IMMP1L: variants seen among roughly 807,000 people sequenced by gnomAD.
IMMP1L encodes the protein mitochondrial inner membrane protease subunit 1.
IMMP1L carries 24 observed loss-of-function variants against 21.8 expected under a neutral mutation model. That is an observed-to-expected ratio of 1.10 (90% CI 0.80 to 1.55). The LOEUF (loss-of-function observed/expected upper bound fraction) is 1.55, where lower values mean the gene tolerates loss of function less well. Among genes scored for constraint, IMMP1L ranks in the 40% most tolerant of loss-of-function variants. The pLI, the probability that IMMP1L is intolerant of heterozygous loss-of-function variation, is 0.00. For missense variants in IMMP1L, 195 were observed against 200.7 expected (o/e 0.97, Z 0.17); for synonymous variants, 46 against 62.8 (o/e 0.73, Z 1.26).
At chr11:31,483,203 G>T (rs1954959694) in intron 1 of IMMP1L, among the ~76,000 whole-genome samples, 1 of 151,864 alleles carries the variant, frequency 6.6e-6, no homozygotes, top group Non-Finnish European at 1.5e-5. Context: ...CTGGAGTGCT[G>T]ACAATGTTCT....
rs781560505 is a variant in IMMP1L at position 31,432,479 on chromosome 11, A to C, written c.*21T>G. The C allele has an allele frequency of 1.9e-5, 29 of 1,563,400 alleles. No individual in the cohort carries two copies. In the Admixed American group the frequency reaches 4.8e-4, roughly 26 times the overall value. On this transcript the variant is annotated 3_prime_UTR_variant, in exon 6 of 6. Coordinates refer to ENST00000532287, the MANE Select transcript of IMMP1L (RefSeq NM_001304274.2). Reference sequence around the variant, plus strand: ...TCACATGAAAAGGAGACAATAATCAAGTCAAAAGAATAAATGCTTACTAAT... The same window carrying C: ...TCACATGAAAAGGAGACAATAATCACGTCAAAAGAATAAATGCTTACTAAT...
chr11:31,508,021 G>C, intron 1 of IMMP1L, among the ~76,000 whole-genome samples: 1 of 152,016 alleles, frequency 6.6e-6, no homozygotes, highest in East Asian at 1.9e-4. Flanking sequence ...AGGGGTGGGG[G>C]GACAGAGAGC....
At chr11:31,453,113 T>G in intron 4 of IMMP1L, 2 of 1,289,054 alleles carry the variant, frequency 1.6e-6, no homozygotes, top group Non-Finnish European at 2.0e-6. Context: ...AAAATAAAGC[T>G]GATTTATAAG....
At chr11:31,467,275 TA>T (rs1954389014) in intron 1 of IMMP1L, among the ~76,000 whole-genome samples, 4 of 152,150 alleles carry the variant, frequency 2.6e-5, no homozygotes, top group African/African-American at 7.2e-5. Context: ...TGTTTGCCTA[TA>T]AAAAAATGTC....
At chr11:31,460,515 ATGTT>A in intron 3 of IMMP1L, 107 bp downstream of exon 3, 2 of 621,864 alleles carry the variant, frequency 3.2e-6, no homozygotes, top group Non-Finnish European at 5.7e-6. Flanking sequence ...GGTTATTAAT[ATGTT>A]TATTTATGAA....
At chr11:31,486,593 A>G (rs1955085643) in intron 1 of IMMP1L, among the ~76,000 whole-genome samples, 2 of 152,004 alleles carry the variant, frequency 1.3e-5, no homozygotes, top group Non-Finnish European at 2.9e-5. Flanking sequence ...ATATAAACAA[A>G]TGTACACATG....
intron 1 of IMMP1L, among the ~76,000 whole-genome samples, chr11:31,467,275 T>C (rs1954388907): frequency 6.6e-6 from 1 of 152,032 alleles, no homozygotes; most frequent in Non-Finnish European, 1.5e-5. Flanking sequence ...TGTTTGCCTA[T>C]AAAAAAATGT....
At chr11:31,484,812 C>T (rs538431187) in intron 1 of IMMP1L, among the ~76,000 whole-genome samples, 14 of 151,976 alleles carry the variant, frequency 9.2e-5, no homozygotes, top group Admixed American at 5.2e-4. Flanking sequence ...CAATTTCCAA[C>T]GATGTGCTCA....
intron 2 of IMMP1L, among the ~76,000 whole-genome samples, chr11:31,461,592 T>C (rs899144815): frequency 6.6e-6 from 1 of 152,170 alleles, no homozygotes; most frequent in African/African-American, 2.4e-5. Context: ...ATGTGATGCA[T>C]CACAGCCAAC....
chr11:31,436,091 T>C (rs895655247), intron 4 of IMMP1L, among the ~76,000 whole-genome samples: 5 of 152,322 alleles, frequency 3.3e-5, no homozygotes, highest in Admixed American at 2.6e-4. Context: ...ATATTAGTCT[T>C]TGGGATCTCA....
intron 1 of IMMP1L, chr11:31,477,416 A>C (rs575761786): frequency 2.7e-6 from 1 of 364,942 alleles, no homozygotes; most frequent in African/African-American, 2.2e-5. Context: ...TAGTTTGTAT[A>C]TGTCTTGCAT....
intron 1 of IMMP1L, among the ~76,000 whole-genome samples, chr11:31,503,244 C>T (rs1230947196): frequency 1.3e-5 from 2 of 151,898 alleles, no homozygotes; most frequent in Non-Finnish European, 2.9e-5. Context: ...ACATAAAATG[C>T]CATAAGTTAT....
intron 1 of IMMP1L, among the ~76,000 whole-genome samples, chr11:31,479,798 A>C (rs1298602434): frequency 6.6e-6 from 1 of 152,074 alleles, no homozygotes; most frequent in Non-Finnish European, 1.5e-5. Flanking sequence ...TATGTTCCTA[A>C]GCCAAATGAA....
intron 1 of IMMP1L, among the ~76,000 whole-genome samples, chr11:31,483,592 T>C (rs569302303): frequency 2.0e-5 from 3 of 152,110 alleles, no homozygotes; most frequent in African/African-American, 7.2e-5. Flanking sequence ...TAACTGATAC[T>C]GCTATTATAA....
intron 4 of IMMP1L, among the ~76,000 whole-genome samples, chr11:31,442,286 G>A (rs970125240): frequency 2.0e-5 from 3 of 152,100 alleles, no homozygotes; most frequent in Non-Finnish European, 2.9e-5. Flanking sequence ...CTCCTTTTTA[G>A]CACAAACAAC....
At chr11:31,503,224 AATG>A (rs1341665129) in intron 1 of IMMP1L, among the ~76,000 whole-genome samples, 1 of 152,208 alleles carries the variant, frequency 6.6e-6, no homozygotes, top group Admixed American at 6.5e-5. Context: ...TTTTGAAATA[AATG>A]ATGAAAACAT....
chr11:31,466,541 A>G (rs1290181592), intron 1 of IMMP1L, among the ~76,000 whole-genome samples: 3 of 152,138 alleles, frequency 2.0e-5, no homozygotes, highest in Admixed American at 6.5e-5. Flanking sequence ...GATAAAGAAA[A>G]CATGCTATAC....
chr11:31,448,822 T>C (rs1395490317), intron 4 of IMMP1L: 12 of 403,028 alleles, frequency 3.0e-5, no homozygotes, highest in Non-Finnish European at 4.0e-5. Context: ...ACTTTAAGTC[T>C]AGGAGCCTCA....
chr11:31,449,205 C>T (rs1284531465), intron 4 of IMMP1L: 1 of 346,902 alleles, frequency 2.9e-6, no homozygotes, highest in African/African-American at 2.2e-5. Context: ...TTATAATACA[C>T]AAGCCCTTTC....
Sources: gnomAD v4.1 joint callset for allele counts (sites outside exome capture counted in the v4.1 genomes callset) on GRCh38, gnomAD v4.1.1 for gene constraint, MANE v1.5 for transcripts, NCBI Gene and HGNC (gene_info 2026-07-23, HGNC 2026-07-21) for gene names.